ANKRD36C: variants seen among roughly 807,000 people sequenced by gnomAD.
ANKRD36C encodes ankyrin repeat domain 36C.
Under a neutral mutation model 276.4 loss-of-function variants are expected in ANKRD36C, and 61 were observed. The ratio of observed to expected loss-of-function variants is 0.22; its 90% CI spans 0.18 to 0.27. The LOEUF (loss-of-function observed/expected upper bound fraction) is 0.27. Ranked by LOEUF, ANKRD36C falls within the 10% of genes least tolerant of loss-of-function variation. The pLI, the probability that ANKRD36C is intolerant of heterozygous loss-of-function variation, is 1.00. For synonymous variants in ANKRD36C, 483 were observed against 680.1 expected, an observed-to-expected ratio of 0.71 and a Z score of 4.51; for missense variants, 1,447 against 2,032.3, an observed-to-expected ratio of 0.71 and a Z score of 5.54.
chr2:95,965,688 G>A (rs374201023), intron 6 of ANKRD36C, among the ~76,000 whole-genome samples: 2 of 152,064 alleles, frequency 1.3e-5, no homozygotes, highest in African/African-American at 4.8e-5. Flanking sequence ...AACATGAAGA[G>A]AGCATAATTA....
chr2:95,879,331 T>C (rs542715950), intron 58 of ANKRD36C, among the ~76,000 whole-genome samples: 1 of 152,160 alleles, frequency 6.6e-6, no homozygotes, highest in African/African-American at 2.4e-5. Flanking sequence ...GAAATGAGGA[T>C]GCTTAATAAG....
At chr2:95,987,605 C>CTTTTTTTTT (rs35536038) in intron 1 of ANKRD36C, among the ~76,000 whole-genome samples, 1 of 87,484 alleles carries the variant, frequency 1.1e-5, no homozygotes, top group African/African-American at 4.6e-5. Context: ...CTTACAAAGA[C>CTTTTTTTTT]TTTTTTTTTT....
intron 34 of ANKRD36C, among the ~76,000 whole-genome samples, chr2:95,919,468 C>T (rs1438731143): frequency 1.5e-5 from 2 of 133,038 alleles, no homozygotes; most frequent in Admixed American, 1.6e-4. Context: ...CCCCAGAACC[C>T]CTTATGTCTT....
At chr2:95,933,200 T>A (rs1396197092) in intron 24 of ANKRD36C, among the ~76,000 whole-genome samples, 4 of 152,304 alleles carry the variant, frequency 2.6e-5, no homozygotes, top group Non-Finnish European at 5.9e-5. Flanking sequence ...TGTAGTGTAG[T>A]TTGAAGTCAG....
chr2:95,889,766 C>T (rs188323821), intron 48 of ANKRD36C, 33 bp downstream of exon 68: 43 of 1,556,708 alleles, frequency 2.8e-5, no homozygotes, highest in Middle Eastern at 1.7e-4. Flanking sequence ...CTATCTTGAA[C>T]GAACATCCTA....
intron 60 of ANKRD36C, among the ~76,000 whole-genome samples, chr2:95,862,222 A>G (rs1265576591): frequency 6.6e-6 from 1 of 152,016 alleles, no homozygotes; most frequent in Non-Finnish European, 1.5e-5. Context: ...CTTGAACAAC[A>G]CTATGCTTTC....
At chr2:95,861,315 G>C (rs1267536870) in intron 60 of ANKRD36C, among the ~76,000 whole-genome samples, 1 of 151,588 alleles carries the variant, frequency 6.6e-6, no homozygotes, top group East Asian at 1.9e-4. Flanking sequence ...TCCTAAATTT[G>C]ACACGATAAA....
intron 59 of ANKRD36C, among the ~76,000 whole-genome samples, chr2:95,875,432 A>G (rs1387486139): frequency 2.7e-5 from 4 of 150,690 alleles, no homozygotes; most frequent in Non-Finnish European, 5.9e-5. Context: ...TCGCAAGGAC[A>G]AAAAACCAAA....
At chr2:95,866,069 C>A (rs1448763289) in intron 60 of ANKRD36C, among the ~76,000 whole-genome samples, 6 of 152,142 alleles carry the variant, frequency 3.9e-5, no homozygotes, top group African/African-American at 1.4e-4. Flanking sequence ...GGTGTTGGAA[C>A]AATTGGCTGT....
At chr2:95,950,261 T>TA (rs368811777) in intron 16 of ANKRD36C, among the ~76,000 whole-genome samples, 62 of 143,696 alleles carry the variant, frequency 4.3e-4, no homozygotes, top group African/African-American at 1.1e-3. Context: ...ATTTGATGGT[T>TA]AAAAAAAAAA....
chr2:95,852,082 T>C, intron 65 of ANKRD36C, 44 bp downstream of exon 85: 1 of 1,571,662 alleles, frequency 6.4e-7, no homozygotes, highest in Non-Finnish European at 8.7e-7. Context: ...GCTCCTTTGC[T>C]TTATAAATAC....
chr2:95,958,576 G>A lies in ANKRD36C; in HGVS notation c.1105+15C>T. ...CTTCAGTGTACATGGCATTAAATGT[G>A]TATTGCAAAATTACCTGTCCCAGAT... On this transcript the variant is annotated intron_variant, in intron 12 of 66. Coordinates refer to ENST00000456556, the Ensembl canonical transcript of ANKRD36C. 5 of 1,544,370 alleles carry A rather than the reference G, an allele frequency of 3.2e-6. No homozygotes were observed. The highest frequency in any genetic ancestry group is 4.4e-6 in the Non-Finnish European group (5 of 1,146,320).
At chr2:95,902,147 A>C (rs989343149) in intron 42 of ANKRD36C, among the ~76,000 whole-genome samples, 1 of 149,832 alleles carries the variant, frequency 6.7e-6, no homozygotes, top group Non-Finnish European at 1.5e-5. Context: ...AGGGAAGCAA[A>C]TTTATTCATA....
chr2:95,925,374 C>T (rs1461302958), exon 30 of ANKRD36C: 21 of 1,579,794 alleles, frequency 1.3e-5, no homozygotes, highest in African/African-American at 2.7e-5. Context: ...TCCCACCGCC[C>T]GTTATTCTTG....
chr2:95,944,586 CTG>C, intron 19 of ANKRD36C, 39 bp downstream of exon 19: 4 of 1,521,434 alleles, frequency 2.6e-6, no homozygotes, highest in Non-Finnish European at 3.5e-6. Flanking sequence ...GGACTGGACT[CTG>C]ATTATTCTAT....
chr2:95,896,815 A>G (rs1402013298), intron 44 of ANKRD36C, among the ~76,000 whole-genome samples: 56 of 149,864 alleles, frequency 3.7e-4, no homozygotes, highest in Non-Finnish European at 5.1e-4. Context: ...CTCACAATCC[A>G]TCTCCCTTAG....
chr2:95,896,245 T>C (rs1676546178), intron 44 of ANKRD36C, among the ~76,000 whole-genome samples: 1 of 149,414 alleles, frequency 6.7e-6, no homozygotes, highest in Non-Finnish European at 1.5e-5. Context: ...CTTCATCCAC[T>C]CTTGGCACCA....
exon 3 of ANKRD36C, chr2:95,986,909 G>C: frequency 6.2e-7 from 1 of 1,612,312 alleles, no homozygotes; most frequent in African/African-American, 1.3e-5. Context: ...CAAGCCTCCT[G>C]CCTCAGTTGT....
At chr2:95,902,433 C>G (rs1437628920) in intron 42 of ANKRD36C, among the ~76,000 whole-genome samples, 1 of 150,432 alleles carries the variant, frequency 6.6e-6, no homozygotes, top group African/African-American at 2.4e-5. Flanking sequence ...CACAATCCGT[C>G]TCCCTTAGGA....
Sources: gnomAD v4.1 joint callset for allele counts (sites outside exome capture counted in the v4.1 genomes callset) on GRCh38, gnomAD v4.1.1 for gene constraint, MANE v1.5 for transcripts, NCBI Gene and HGNC (gene_info 2026-07-23, HGNC 2026-07-21) for gene names.